ERBB4: variants seen among roughly 807,000 people sequenced by gnomAD.
The protein encoded by ERBB4 is receptor tyrosine-protein kinase erbB-4.
Under a neutral mutation model 158.0 loss-of-function variants are expected in ERBB4, and 42 were observed. The observed-to-expected ratio is 0.27, with a 90% CI of 0.21 to 0.34. The LOEUF is 0.34. Among genes scored for constraint, ERBB4 ranks in the 10% least tolerant of loss-of-function variants. The pLI, the probability that ERBB4 is intolerant of heterozygous loss-of-function variation, is 1.00. For synonymous variants in ERBB4, 583 were observed against 558.7 expected (o/e 1.04, Z -0.61); for missense variants, 1,333 against 1,624.1 (o/e 0.82, Z 3.08).
chr2:211,773,706 G>A (rs1434104812), intron 4 of ERBB4, among the ~76,000 whole-genome samples: 2 of 135,670 alleles, frequency 1.5e-5, no homozygotes, highest in Non-Finnish European at 3.1e-5. Context: ...ATACTTTATA[G>A]TGAAGAATAT....
chr2:212,484,990 T>G (rs1439518768), intron 1 of ERBB4, among the ~76,000 whole-genome samples: 1 of 152,140 alleles, frequency 6.6e-6, no homozygotes, highest in Non-Finnish European at 1.5e-5. Flanking sequence ...ATTCCAGAGA[T>G]GTGCACATCA....
At chr2:211,430,151 T>C (rs760731381) in intron 21 of ERBB4, among the ~76,000 whole-genome samples, 1 of 152,166 alleles carries the variant, frequency 6.6e-6, no homozygotes, top group Non-Finnish European at 1.5e-5. Context: ...ATAAGGCATA[T>C]AATAAATATA....
At chr2:212,192,007 A>AT (rs1491138840) in intron 1 of ERBB4, among the ~76,000 whole-genome samples, 2,747 of 98,758 alleles carry the variant, frequency 0.028, 87 homozygotes, top group African/African-American at 0.088. Flanking sequence ...TGTTATATAT[A>AT]ATATATGTTA....
chr2:212,185,633 T>G (rs1215327580), intron 1 of ERBB4, among the ~76,000 whole-genome samples: 1 of 151,980 alleles, frequency 6.6e-6, no homozygotes, highest in African/African-American at 2.4e-5. Flanking sequence ...ACATTATAAA[T>G]TCCTGGGAAT....
chr2:212,152,706 T>G (rs1322374058), intron 1 of ERBB4, among the ~76,000 whole-genome samples: 2 of 152,174 alleles, frequency 1.3e-5, no homozygotes, highest in Admixed American at 6.6e-5. Flanking sequence ...ATTGAATATC[T>G]CCACTCATAA....
chr2:211,447,334 C>T (rs750217332), intron 20 of ERBB4, among the ~76,000 whole-genome samples: 3 of 152,018 alleles, frequency 2.0e-5, no homozygotes, highest in Non-Finnish European at 4.4e-5. Flanking sequence ...ATTAGAAAAA[C>T]AGCAAGCATC....
At position 211,675,792 on chromosome 2, in the gene ERBB4, T is replaced by TTTTA. The variant is rs1553607852; in HGVS notation, c.1623-2536_1623-2535insTAAA. ...TATAATATATATATAAAATATAATA[T>TTTTA]TATATATATATATATATAACAAATA... On this transcript the variant is annotated intron_variant, in intron 13 of 27. Coordinates refer to ENST00000342788, the MANE Select transcript of ERBB4 (RefSeq NM_005235.3). 4.0e-3 allele frequency among the ~76,000 whole-genome samples: 371 copies of TTTTA among 93,582 alleles called. 8 individuals carry two copies. The highest frequency in any genetic ancestry group is 7.1e-3 in the Non-Finnish European group (252 of 35,706). The allele number at this position is 93,582 out of a possible 152,430, so 61.4% of individuals were successfully genotyped here. A position where few individuals can be genotyped will look rare whatever the true frequency, so the allele number is the denominator to read the frequency against.
chr2:212,125,717 G>C (rs1353380392), intron 1 of ERBB4, among the ~76,000 whole-genome samples: 1 of 152,122 alleles, frequency 6.6e-6, no homozygotes, highest in Non-Finnish European at 1.5e-5. Context: ...ATAGCTTCTA[G>C]CTCCATCCAT....
At chr2:211,552,992 G>A (rs1181190917) in intron 20 of ERBB4, among the ~76,000 whole-genome samples, 26 of 148,402 alleles carry the variant, frequency 1.8e-4, no homozygotes, top group Non-Finnish European at 2.2e-4. Flanking sequence ...TTTTTGAGAT[G>A]GAGTCTCACT....
rs1325434400 is a variant in ERBB4 at position 212,272,290 on chromosome 2, A to G, written c.83-147387T>C. On this transcript the variant is annotated intron_variant, in intron 1 of 27. Transcript: ENST00000342788. The stretch of plus-strand genomic sequence containing the variant: ...ATAAAATTTTAAAAAGCAATGCACA[A>G]AAGTTAAACAGTCCAGAAGTATACA... Among the ~76,000 whole-genome samples the G allele has an allele frequency of 2.6e-5, 4 of 151,788 alleles. No homozygotes were observed. In the South Asian group the frequency reaches 6.2e-4, roughly 24 times the overall value.
chr2:211,760,922 T>C (rs1374584243), intron 4 of ERBB4, among the ~76,000 whole-genome samples: 1 of 152,026 alleles, frequency 6.6e-6, no homozygotes. Context: ...GGTGAGAAAA[T>C]GGGTCGGGCG....
At chr2:212,317,750 A>G (rs2087357025) in intron 1 of ERBB4, among the ~76,000 whole-genome samples, 1 of 151,558 alleles carries the variant, frequency 6.6e-6, no homozygotes, top group Non-Finnish European at 1.5e-5. Flanking sequence ...GCATACAGAT[A>G]TAAAGTGGTA....
chr2:212,048,786 C>T (rs2077323959), intron 2 of ERBB4, among the ~76,000 whole-genome samples: 1 of 152,128 alleles, frequency 6.6e-6, no homozygotes, highest in Non-Finnish European at 1.5e-5. Flanking sequence ...GAATCATGAG[C>T]ACATACGTAG....
At chr2:211,924,103 A>G (rs534916731) in intron 3 of ERBB4, among the ~76,000 whole-genome samples, 1 of 152,268 alleles carries the variant, frequency 6.6e-6, no homozygotes, top group South Asian at 2.1e-4. Flanking sequence ...ACCCCACACT[A>G]GATTTCTATG....
chr2:211,917,507 G>A (rs2079730391), intron 3 of ERBB4, among the ~76,000 whole-genome samples: 1 of 152,150 alleles, frequency 6.6e-6, no homozygotes, highest in Non-Finnish European at 1.5e-5. Context: ...ACATTAAGCA[G>A]TTTGTTCAAT....
At chr2:211,857,974 A>G (rs983566880) in intron 3 of ERBB4, among the ~76,000 whole-genome samples, 63 of 152,236 alleles carry the variant, frequency 4.1e-4, no homozygotes, top group African/African-American at 1.5e-3. Context: ...AGAAGTTATT[A>G]TTAATAGATG....
rs1320531948 is a variant in ERBB4, at chr2:211,893,334, T to C, written c.421+54096A>G. ...AAAGGATTCCCTATTTAATAAATGG[T>C]GCTGGGAAAACTGGCTAGCCATATG... On this transcript the variant is annotated intron_variant, in intron 3 of 27. Coordinates refer to ENST00000342788, the MANE Select transcript of ERBB4 (RefSeq NM_005235.3). Among the ~76,000 whole-genome samples the C allele has an allele frequency of 5.5e-5, 8 of 144,156 alleles. 1 individual carries two copies. In the South Asian group the frequency reaches 1.1e-3, roughly 19 times the overall value. The allele number at this position is 144,156 out of a possible 152,430, so 94.6% of individuals were successfully genotyped here.
chr2:212,311,902 A>G (rs940052336), intron 1 of ERBB4, among the ~76,000 whole-genome samples: 1 of 151,012 alleles, frequency 6.6e-6, no homozygotes, highest in African/African-American at 2.4e-5. Flanking sequence ...ATAAAGACAC[A>G]TAAACTCAAC....
Position 211,822,519 on chromosome 2 carries a change from A to G in ERBB4, c.422-34360T>C, listed in dbSNP as rs374321646. On this transcript the variant is annotated intron_variant, in intron 3 of 27. Coordinates refer to ENST00000342788, the MANE Select transcript of ERBB4 (RefSeq NM_005235.3). ...AATAACTTTTAAAAGTCAGACATCT[A>G]TCTGTACACTTTGGCCAAATAATCC... Among the ~76,000 whole-genome samples, 4 of 152,056 alleles carry G rather than the reference A, an allele frequency of 2.6e-5. No individual in the cohort carries two copies. The East Asian group carries it at 7.7e-4, about 29-fold the overall frequency.
Sources: gnomAD v4.1 joint callset for allele counts (sites outside exome capture counted in the v4.1 genomes callset) on GRCh38, gnomAD v4.1.1 for gene constraint, MANE v1.5 for transcripts, NCBI Gene and HGNC (gene_info 2026-07-23, HGNC 2026-07-21) for gene names.